Variants in ZDHHC11 observed in about 807,000 individuals in gnomAD.
ZDHHC11 encodes palmitoyltransferase ZDHHC11.
In ZDHHC11, 44 loss-of-function variants were observed where a neutral mutation model predicts 51.3. The ratio of observed to expected loss-of-function variants is 0.86; its 90% CI spans 0.67 to 1.10. The LOEUF is 1.10. Among genes scored for constraint, ZDHHC11 ranks in the 50% least tolerant of loss-of-function variants. The probability of loss-of-function intolerance (pLI) is 0.00; values close to 1 mark genes in which losing one functional copy is unlikely to be tolerated. For synonymous variants in ZDHHC11, 163 were observed against 222.0 expected (o/e 0.73, Z 2.36); for missense variants, 400 against 537.7 (o/e 0.74, Z 2.53).
chr5:802,003 T>A (rs924174765), intron 11 of ZDHHC11, among the ~76,000 whole-genome samples: 2 of 151,372 alleles, frequency 1.3e-5, no homozygotes, highest in Non-Finnish European at 3.0e-5. Context: ...AAATGATGAC[T>A]CCTAGAAGGA....
chr5:818,188 G>A (rs889704505), intron 10 of ZDHHC11, among the ~76,000 whole-genome samples: 4 of 151,198 alleles, frequency 2.6e-5, no homozygotes, highest in Non-Finnish European at 3.0e-5. Context: ...ATGCTGCAGA[G>A]AGACCGAGGG....
Position 804,174 on chromosome 5 carries a change from G to A in ZDHHC11, c.1182-3010C>T, listed in dbSNP as rs1225750880. On this transcript the variant is annotated intron_variant, in intron 11 of 12. Coordinates refer to ENST00000283441, the MANE Select transcript of ZDHHC11 (RefSeq NM_024786.3). ...CAATAATATTAAATGGAAAATTCCA[G>A]AAATAAACAATTCACAAGTTTTAAA... 2.6e-5 allele frequency among the ~76,000 whole-genome samples: 4 copies of A among 151,292 alleles called. No homozygotes were observed. In the East Asian group the frequency reaches 7.7e-4, roughly 29 times the overall value.
intron 3 of ZDHHC11, among the ~76,000 whole-genome samples, chr5:846,508 C>A (rs1294310991): frequency 1.4e-5 from 2 of 146,456 alleles, no homozygotes; most frequent in Non-Finnish European, 3.0e-5. Context: ...AACAACCTCT[C>A]GTTCTTGAGC....
At chr5:858,190 G>GC (rs1748538960) in intron 1 of ZDHHC11, among the ~76,000 whole-genome samples, 1 of 140,514 alleles carries the variant, frequency 7.1e-6, no homozygotes, top group Non-Finnish European at 1.5e-5. Context: ...ATGACACCAG[G>GC]CCCCCAGAGT....
chr5:855,965 G>A (rs749832528), upstream of ZDHHC11, among the ~76,000 whole-genome samples: 100 of 150,900 alleles, frequency 6.6e-4, no homozygotes, highest in South Asian at 1.9e-3. Flanking sequence ...GACAGTGAGC[G>A]AGGGGCACAG....
chr5:834,200 T>G (rs1251756637), intron 6 of ZDHHC11, among the ~76,000 whole-genome samples: 6 of 152,394 alleles, frequency 3.9e-5, no homozygotes, highest in African/African-American at 1.4e-4. Flanking sequence ...TGTGGTAGTA[T>G]CTGATTGTGG....
At chr5:820,683 G>C (rs1387490207) in intron 9 of ZDHHC11, among the ~76,000 whole-genome samples, 2 of 151,382 alleles carry the variant, frequency 1.3e-5, no homozygotes, top group African/African-American at 4.8e-5. Context: ...CCTCCCAATG[G>C]AAAGTGTGTA....
intron 10 of ZDHHC11, among the ~76,000 whole-genome samples, chr5:815,376 CGTT>C (rs1423587555): frequency 6.7e-6 from 1 of 148,508 alleles, no homozygotes; most frequent in African/African-American, 2.5e-5. Context: ...TGTGCACACA[CGTT>C]GTTCTCAGTG....
upstream of ZDHHC11, among the ~76,000 whole-genome samples, chr5:854,023 A>C (rs13359745): frequency 7.8e-6 from 1 of 128,886 alleles, no homozygotes; most frequent in African/African-American, 3.1e-5. Context: ...ACAGCAAGCC[A>C]GGGGGACAGA....
chr5:834,722 CAAGT>C (rs1300825809), intron 6 of ZDHHC11, among the ~76,000 whole-genome samples: 3 of 152,298 alleles, frequency 2.0e-5, no homozygotes, highest in African/African-American at 7.2e-5. Context: ...CCTGGTCAAG[CAAGT>C]ATGTCGGCGC....
upstream of ZDHHC11, among the ~76,000 whole-genome samples, chr5:854,160 C>G (rs1747767333): frequency 2.2e-5 from 3 of 133,846 alleles, no homozygotes; most frequent in Non-Finnish European, 4.7e-5. Context: ...CCGGGGGGCA[C>G]AGACCACACA....
intron 9 of ZDHHC11, chr5:821,252 G>C (rs111548223): frequency 6.6e-6 from 1 of 151,598 alleles, no homozygotes; most frequent in African/African-American, 2.4e-5. Context: ...TGGGAAGGTA[G>C]CCAGGCAGCA....
chr5:825,707 T>C (rs1742270208), intron 7 of ZDHHC11, among the ~76,000 whole-genome samples: 1 of 152,128 alleles, frequency 6.6e-6, no homozygotes, highest in Admixed American at 6.6e-5. Context: ...GAAGATGCCA[T>C]AGGCCACTGC....
At chr5:803,328 T>TC (rs1452443677) in intron 11 of ZDHHC11, among the ~76,000 whole-genome samples, 2 of 151,318 alleles carry the variant, frequency 1.3e-5, no homozygotes, top group South Asian at 4.2e-4. Flanking sequence ...AGACAGACAT[T>TC]CCCCCCTTGT....
chr5:842,645 C>T, intron 4 of ZDHHC11: 2 of 985,686 alleles, frequency 2.0e-6, no homozygotes, highest in Non-Finnish European at 2.4e-6. Context: ...TTCTCTGGCC[C>T]AGGTCCTCCT....
intron 11 of ZDHHC11, among the ~76,000 whole-genome samples, chr5:805,941 C>G (rs1739187460): frequency 6.6e-6 from 1 of 150,974 alleles, no homozygotes; most frequent in Non-Finnish European, 1.5e-5. Flanking sequence ...GCTAAGTGTT[C>G]ATATATGGAA....
intron 6 of ZDHHC11, among the ~76,000 whole-genome samples, chr5:834,109 G>A (rs1398962155): frequency 1.3e-5 from 2 of 152,286 alleles, no homozygotes; most frequent in African/African-American, 2.4e-5. Context: ...GCAAAAAAAC[G>A]CAGGAGACTT....
chr5:820,695 C>T (rs1020370097), intron 9 of ZDHHC11, among the ~76,000 whole-genome samples: 5 of 151,306 alleles, frequency 3.3e-5, no homozygotes, highest in Non-Finnish European at 5.9e-5. Flanking sequence ...AAGTGTGTAA[C>T]TAATGTAACT....
chr5:825,890 C>T (rs1331103126), intron 7 of ZDHHC11, among the ~76,000 whole-genome samples: 2 of 151,058 alleles, frequency 1.3e-5, no homozygotes, highest in African/African-American at 4.8e-5. Context: ...AACCAGAGGT[C>T]CTGAGTCTGC....
Sources: allele counts gnomAD v4.1 joint callset (sites outside exome capture counted in the v4.1 genomes callset), GRCh38; gene constraint gnomAD v4.1.1; transcripts MANE v1.5; gene names NCBI Gene and HGNC (gene_info 2026-07-23, HGNC 2026-07-21).